Variants in CTPS1 observed in about 807,000 individuals in gnomAD.
CTPS1 encodes CTP synthetase 1.
In CTPS1, 25 loss-of-function variants were observed where a neutral mutation model predicts 80.5. The observed-to-expected ratio is 0.31, with a 90% CI of 0.23 to 0.43. The LOEUF (loss-of-function observed/expected upper bound fraction) is 0.43, where lower values mean the gene tolerates loss of function less well. CTPS1 is among the 20% of genes least tolerant of loss of function. The probability of loss-of-function intolerance (pLI) is 1.00; values close to 1 mark genes in which losing one functional copy is unlikely to be tolerated. For synonymous variants in CTPS1, 267 were observed against 252.5 expected, an observed-to-expected ratio of 1.06 and a Z score of -0.54; for missense variants, 442 against 725.7, an observed-to-expected ratio of 0.61 and a Z score of 4.49.
Position 40,987,436 on chromosome 1 carries a change from T to A in CTPS1, c.402T>A (p.Asp134Glu). The A allele has an allele frequency of 6.2e-7, 1 of 1,614,028 alleles. No homozygotes were observed. The change falls in exon 4 of 19, where the codon GAT becomes GAA. Residue 134 changes from aspartate to glutamate, a missense_variant. Physicochemically the swap from Asp to Glu is conservative, Grantham distance 45. Around this residue, in one of 4 missense-constraint regions of CTPS1, gnomAD observed 69 missense variants for 102.1 expected, o/e 0.68. Transcript: ENST00000650070. Reference protein sequence around the residue: ...WVMRQALIPVDEDGLEPQVCV... With the variant: ...WVMRQALIPVEEDGLEPQVCV... ...TGAGACAGGCGTTAATACCTGTAGA[T>A]GAAGATGGCCTGGAACCTCAAGTGT... is the stretch of plus-strand genomic sequence containing the variant.
chr1:41,008,655 C>T lies in CTPS1; in HGVS notation c.1394-4C>T. ...CTTTACATACAGCCCGTTTGTTTTGCCAGGGAAACTCTATGGAGACGCAGA... is the reference window on the plus strand; with the variant it reads ...CTTTACATACAGCCCGTTTGTTTTGTCAGGGAAACTCTATGGAGACGCAGA... On this transcript the variant is annotated splice_region_variant and splice_polypyrimidine_tract_variant and intron_variant, in intron 14 of 18. Transcript: ENST00000650070. 1 of 1,614,040 alleles carries T rather than the reference C, an allele frequency of 6.2e-7. No individual in the cohort carries two copies. The highest frequency in any genetic ancestry group is 8.5e-7 in the Non-Finnish European group (1 of 1,179,932).
intron 1 of CTPS1, among the ~76,000 whole-genome samples, chr1:40,982,829 ATTAT>A (rs1212040735): frequency 2.0e-5 from 3 of 152,222 alleles, no homozygotes; most frequent in Non-Finnish European, 4.4e-5. Flanking sequence ...AGCCAAAGAC[ATTAT>A]TTATTTCCTG....
At position 41,010,179 on chromosome 1, in the gene CTPS1, G is replaced by A; in HGVS notation, c.1710G>A (p.Arg570=). Residue 570 remains arginine, a synonymous_variant, in exon 18 of 19, where the codon AGG becomes AGA. Transcript: ENST00000650070. ...RLSPRDTYSD[R]SGSSSPDSEI... is the part of the protein sequence containing the mutation. ...TCTACAGGGACACCTATAGTGACAG[G>A]AGTGGAAGCAGCTCCCCTGACTCTG... 1 of 1,613,766 alleles carries A rather than the reference G, an allele frequency of 6.2e-7. No individual in the cohort carries two copies. The highest frequency in any genetic ancestry group is 1.1e-5 in the South Asian group (1 of 91,056).
chr1:41,009,639 A>T (rs1643120545), intron 17 of CTPS1, 50 bp downstream of exon 17: 1 of 1,594,560 alleles, frequency 6.3e-7, no homozygotes. Context: ...CTAGTCCTTT[A>T]GGTGGTCGCT....
In CTPS1 at chr1:40,991,146, T is replaced by TTTTTC. The variant is rs1642599312; in HGVS notation, c.556-14_556-10dup. ...TCAGAGGGAAACTAACTTTTTTTTTTTTTTCTTTTGTGAAATAGCCAAGTT... is the reference window on the plus strand; with the variant it reads ...TCAGAGGGAAACTAACTTTTTTTTTTTTTTCTTTTCTTTTGTGAAATAGCCAAGTT... On this transcript the variant is annotated intron_variant, in intron 5 of 18. Transcript: ENST00000650070. 6.4e-7 allele frequency: 1 copy of TTTTTC among 1,564,034 alleles called. No homozygotes were observed. The highest frequency in any genetic ancestry group is 8.6e-7 in the Non-Finnish European group (1 of 1,160,708).
At chr1:40,982,512 C>T (rs531467917) in intron 1 of CTPS1, among the ~76,000 whole-genome samples, 1 of 152,134 alleles carries the variant, frequency 6.6e-6, no homozygotes. Context: ...GCCTCAGTCT[C>T]CTGAGTAACT....
At chr1:40,990,439 C>T (rs112061530) in intron 5 of CTPS1, among the ~76,000 whole-genome samples, 2,499 of 152,136 alleles carry the variant, frequency 0.016, 63 homozygotes, top group African/African-American at 0.057. Flanking sequence ...TGCCACTGGA[C>T]CCCTTAGCAA....
At chr1:40,991,955 G>A in intron 7 of CTPS1, 110 bp downstream of exon 7, 2 of 824,868 alleles carry the variant, frequency 2.4e-6, no homozygotes, top group South Asian at 1.5e-5. Context: ...ATAGTGGGCT[G>A]TTCCAGAAGA....
chr1:40,994,270 T>G (rs1642697569), intron 7 of CTPS1, among the ~76,000 whole-genome samples: 1 of 152,202 alleles, frequency 6.6e-6, no homozygotes, highest in South Asian at 2.1e-4. Flanking sequence ...GGTTAACTTT[T>G]GTGTGTAGTG....
At chr1:40,982,015 T>G in intron 1 of CTPS1, 1 of 1,288,868 alleles carries the variant, frequency 7.8e-7, no homozygotes, top group Non-Finnish European at 1.0e-6. Context: ...TCTGCTACTT[T>G]CTAATTGTGT....
At chr1:40,983,032 A>G (rs945061492) in intron 1 of CTPS1, 6 of 320,986 alleles carry the variant, frequency 1.9e-5, no homozygotes, top group Non-Finnish European at 3.5e-5. Context: ...AGCTTTAAAC[A>G]AAAGCTGTGT....
intron 10 of CTPS1, chr1:41,001,474 A>G (rs1642902983): frequency 1.5e-5 from 4 of 267,490 alleles, no homozygotes; most frequent in South Asian, 1.5e-4. Context: ...CTGGTTCACT[A>G]GAACAGTTGA....
rs187877951 is a variant in CTPS1, at chr1:41,007,288, G to A, written c.1297-161G>A. Among the ~76,000 whole-genome samples the A allele has an allele frequency of 1.4e-4, 22 of 152,316 alleles. No individual in the cohort carries two copies. Among genetic ancestry groups the A allele is most frequent in the African/African-American group, 4.8e-4 (20 of 41,566 alleles). On this transcript the variant is annotated intron_variant, in intron 13 of 18. Coordinates refer to ENST00000650070, the MANE Select transcript of CTPS1 (RefSeq NM_001905.4). The surrounding 1 kb of genome is among the most constrained non-coding windows in gnomAD (Gnocchi z 4.4). The stretch of plus-strand genomic sequence containing the variant: ...CCTCCACCCAACCGAGGTTACAAAT[G>A]CCAACTGGGAGGCATTTTCTTCTGT...
At position 41,008,811 on chromosome 1, in the gene CTPS1, A is replaced by G. The variant is rs972083462; in HGVS notation, c.1467A>G (p.Lys489=). ...RHRFEVNPVW[K]KCLEEQGLKF... ...CTCAACAGGTGAATCCAGTCTGGAA[A>G]AAGTGTTTGGAAGAACAAGGCTTGA... The change falls in exon 16 of 19, where the codon AAA becomes AAG. Residue 489 remains lysine (K), a synonymous_variant. Transcript: ENST00000650070. 1 of 1,614,108 alleles carries G rather than the reference A, an allele frequency of 6.2e-7. No individual in the cohort carries two copies. The highest frequency in any genetic ancestry group is 1.3e-5 in the African/African-American group (1 of 74,938).
Position 41,006,079 on chromosome 1 carries a change from G to C in CTPS1, c.1281G>C (p.Thr427=). 1 of 1,613,624 alleles carries C rather than the reference G, an allele frequency of 6.2e-7. No homozygotes were observed. ...CCAATTCTACAGAGTTTGACCCTACGACCAGTCATCCCGTGGTGAGTCAAG... is the reference window on the plus strand; with the variant it reads ...CCAATTCTACAGAGTTTGACCCTACCACCAGTCATCCCGTGGTGAGTCAAG... ...QDANSTEFDP[T]TSHPVVVDMP... Residue 427 remains threonine, a synonymous_variant, in exon 13 of 19, where the codon ACG becomes ACC. Transcript: ENST00000650070.
intron 9 of CTPS1, among the ~76,000 whole-genome samples, chr1:40,999,283 G>A (rs1642838903): frequency 6.6e-6 from 1 of 152,174 alleles, no homozygotes; most frequent in African/African-American, 2.4e-5. Context: ...GAGGCTGTCT[G>A]GAGACAGGCT....
rs1399420536 is a variant in CTPS1 at position 40,983,322 on chromosome 1, T to C, written c.32T>C (p.Ile11Thr). The C allele has an allele frequency of 1.9e-6, 3 of 1,614,146 alleles. No homozygotes were observed. The highest frequency in any genetic ancestry group is 1.7e-6 in the Non-Finnish European group (2 of 1,179,994). The change falls in exon 2 of 19, where the codon ATA (isoleucine) becomes ACA (threonine). Residue 11 changes from isoleucine (I) to threonine (T), a missense_variant. Physicochemically the swap from Ile to Thr is moderately conservative, Grantham distance 89. Around this residue, in one of 4 missense-constraint regions of CTPS1, gnomAD observed 25 missense variants for 72.7 expected, o/e 0.34. Coordinates refer to ENST00000650070, the MANE Select transcript of CTPS1 (RefSeq NM_001905.4). MKYILVTGGV[I>T]SGIGKGIIAS... is the part of the protein sequence containing the mutation. ...TACATTCTGGTTACTGGTGGTGTTA[T>C]ATCAGGAATTGGAAAAGGAATCATT...
intron 3 of CTPS1, among the ~76,000 whole-genome samples, chr1:40,986,061 G>C (rs1248572281): frequency 6.6e-6 from 1 of 152,230 alleles, no homozygotes; most frequent in Non-Finnish European, 1.5e-5. Flanking sequence ...ACCCTCACTG[G>C]TGCTGGTGAT....
intron 17 of CTPS1, 101 bp downstream of exon 17, chr1:41,009,690 A>T: frequency 1.4e-6 from 2 of 1,446,746 alleles, no homozygotes; most frequent in Non-Finnish European, 1.9e-6. Context: ...CATAAGAAAA[A>T]AAAGCCACAG....
Sources: allele counts gnomAD v4.1 joint callset (sites outside exome capture counted in the v4.1 genomes callset), GRCh38; gene constraint gnomAD v4.1.1; regional missense constraint gnomAD v4.1.1; non-coding constraint Gnocchi (gnomAD v3.1); transcripts MANE v1.5; gene names NCBI Gene and HGNC (gene_info 2026-07-23, HGNC 2026-07-21).